The following GRIA4 variants were observed in gnomAD, a reference collection of about 807,000 sequenced individuals.
The protein encoded by GRIA4 is glutamate ionotropic receptor AMPA type subunit 4, also known as glutamate receptor 4.
GRIA4 carries 34 observed loss-of-function variants against 104.0 expected under a neutral mutation model. The observed-to-expected ratio is 0.33, with a 90% confidence interval of 0.25 to 0.44. GRIA4 has a LOEUF of 0.44. Ranked by LOEUF, GRIA4 falls within the 20% of genes least tolerant of loss-of-function variation. GRIA4 has a pLI of 1.00. For missense variants in GRIA4, 750 were observed against 1,096.5 expected, an observed-to-expected ratio of 0.68 and a Z score of 4.46; for synonymous variants, 386 against 381.9, an observed-to-expected ratio of 1.01 and a Z score of -0.13.
chr11:105,883,314 C>T (rs545678889), intron 5 of GRIA4, among the ~76,000 whole-genome samples: 1 of 148,692 alleles, frequency 6.7e-6, no homozygotes, highest in South Asian at 2.1e-4. Flanking sequence ...TTCTAGGGTA[C>T]ATGTGCACAA....
chr11:105,786,210 A>G (rs1475930734), intron 4 of GRIA4, among the ~76,000 whole-genome samples: 5 of 151,944 alleles, frequency 3.3e-5, no homozygotes, highest in African/African-American at 7.3e-5. Flanking sequence ...AATTTATGAC[A>G]ATGTTTTGTA....
chr11:105,875,184 G>A (rs1169185310), intron 5 of GRIA4, among the ~76,000 whole-genome samples: 2 of 152,156 alleles, frequency 1.3e-5, no homozygotes, highest in Non-Finnish European at 2.9e-5. Context: ...TGTGGTTTTT[G>A]TTATTGGTTC....
chr11:105,854,141 A>G (rs1204965072), intron 4 of GRIA4, among the ~76,000 whole-genome samples: 2 of 152,176 alleles, frequency 1.3e-5, no homozygotes, highest in African/African-American at 4.8e-5. Context: ...ACCTTTTAGT[A>G]TGGGAAAGAG....
At chr11:105,658,677 A>T (rs986784335) in intron 3 of GRIA4, among the ~76,000 whole-genome samples, 15 of 152,066 alleles carry the variant, frequency 9.9e-5, no homozygotes, top group African/African-American at 3.4e-4. Flanking sequence ...AGTTGACATT[A>T]TCTTTACAAG....
chr11:105,860,461 A>G (rs188294753), intron 4 of GRIA4, among the ~76,000 whole-genome samples: 91 of 152,320 alleles, frequency 6.0e-4, no homozygotes, highest in Non-Finnish European at 1.1e-3. Flanking sequence ...TATCACAGGA[A>G]GAAGAAACTA....
chr11:105,621,235 T>G (rs896559512), intron 3 of GRIA4, among the ~76,000 whole-genome samples: 3 of 151,700 alleles, frequency 2.0e-5, no homozygotes, highest in African/African-American at 7.2e-5. Flanking sequence ...GCCCTGTGAT[T>G]TTCCCATTTT....
chr11:105,851,919 G>A (rs1008970204), intron 4 of GRIA4, among the ~76,000 whole-genome samples: 1 of 152,302 alleles, frequency 6.6e-6, no homozygotes, highest in East Asian at 1.9e-4. Context: ...GCTTCATGAA[G>A]AAAAGCACAT....
At chr11:105,806,561 TGAG>T (rs1282984694) in intron 4 of GRIA4, among the ~76,000 whole-genome samples, 1 of 151,880 alleles carries the variant, frequency 6.6e-6, no homozygotes, top group Non-Finnish European at 1.5e-5. Context: ...GTTTACTTTT[TGAG>T]GAGAACAAAG....
chr11:105,688,372 C>A (rs1421838775), intron 3 of GRIA4, among the ~76,000 whole-genome samples: 1 of 151,892 alleles, frequency 6.6e-6, no homozygotes, highest in East Asian at 1.9e-4. Context: ...TCCTGGCTAG[C>A]GTGGTGAAAC....
rs546663383 is a variant in GRIA4, at chr11:105,716,922, G to T, written c.248-36059G>T. On this transcript the variant is annotated intron_variant, in intron 3 of 16. Coordinates refer to ENST00000282499, the MANE Select transcript of GRIA4 (RefSeq NM_000829.4). Reference sequence around the variant, plus strand: ...AAATTGTTCTCACGTTTTACAACTTGATAGGCAGTTGCTCTAATCCATAAA... The same window carrying T: ...AAATTGTTCTCACGTTTTACAACTTTATAGGCAGTTGCTCTAATCCATAAA... 3.5e-4 allele frequency among the ~76,000 whole-genome samples: 53 copies of T among 152,104 alleles called. 2 individuals are homozygous for T. The highest frequency in any genetic ancestry group is 1.2e-3 in the African/African-American group (51 of 41,510).
intron 4 of GRIA4, among the ~76,000 whole-genome samples, chr11:105,825,764 C>T (rs1239043342): frequency 1.3e-5 from 2 of 152,026 alleles, no homozygotes; most frequent in Non-Finnish European, 1.5e-5. Context: ...TTGTGAGACA[C>T]TAAAGGTACT....
At chr11:105,733,664 G>A (rs1938744682) in intron 3 of GRIA4, among the ~76,000 whole-genome samples, 1 of 151,846 alleles carries the variant, frequency 6.6e-6, no homozygotes, top group Non-Finnish European at 1.5e-5. Flanking sequence ...CGCTGTGTTG[G>A]TCAGGCTGGT....
At chr11:105,768,028 A>T (rs1428546024) in intron 4 of GRIA4, among the ~76,000 whole-genome samples, 1 of 151,952 alleles carries the variant, frequency 6.6e-6, no homozygotes, top group Admixed American at 6.6e-5. Context: ...TGAAAGGATT[A>T]AAAAAAAGAG....
intron 3 of GRIA4, among the ~76,000 whole-genome samples, chr11:105,713,190 C>CTAGCCAACATGGTGAAACA (rs1357588555): frequency 6.6e-6 from 1 of 152,024 alleles, no homozygotes; most frequent in Admixed American, 6.6e-5. Context: ...CAAGACCAGC[C>CTAGCCAACATGGTGAAACA]TAGCCAACAT....
At chr11:105,903,397 C>A (rs1319311634) in intron 7 of GRIA4, among the ~76,000 whole-genome samples, 1 of 152,114 alleles carries the variant, frequency 6.6e-6, no homozygotes, top group African/African-American at 2.4e-5. Context: ...CCTTTTGGAG[C>A]AGGAAAAGAT....
chr11:105,624,150 T>C (rs1950825931), intron 3 of GRIA4, among the ~76,000 whole-genome samples: 1 of 152,130 alleles, frequency 6.6e-6, no homozygotes, highest in African/African-American at 2.4e-5. Flanking sequence ...ATTTAACATA[T>C]GAGCTGAGTA....
intron 3 of GRIA4, among the ~76,000 whole-genome samples, chr11:105,621,740 T>A (rs10895843): frequency 1.3e-5 from 2 of 151,814 alleles, no homozygotes; most frequent in African/African-American, 4.8e-5. Context: ...AAAATTGCTA[T>A]ATCAAATAAT....
chr11:105,885,580 G>T lies in GRIA4; in HGVS notation c.673-1939G>T, dbSNP rs11226872. ...GTCATTTAATGCTTTCCCAAGAACA[G>T]AAGCTTTGGGTTCAGTCAAGTCAAT... is the stretch of plus-strand genomic sequence containing the variant. On this transcript the variant is annotated intron_variant, in intron 5 of 16. Coordinates refer to ENST00000282499, the MANE Select transcript of GRIA4 (RefSeq NM_000829.4). Among the ~76,000 whole-genome samples, 540 of 152,348 alleles carry T rather than the reference G, an allele frequency of 3.5e-3. 3 individuals carry two copies. The highest frequency in any genetic ancestry group is 0.013 in the African/African-American group (521 of 41,580).
At chr11:105,923,161 A>G (rs1947614907) in intron 11 of GRIA4, among the ~76,000 whole-genome samples, 1 of 152,138 alleles carries the variant, frequency 6.6e-6, no homozygotes, top group African/African-American at 2.4e-5. Context: ...CCTCTATGTA[A>G]GAATTTGTAT....
Sources: allele counts gnomAD v4.1 joint callset (sites outside exome capture counted in the v4.1 genomes callset), GRCh38; gene constraint gnomAD v4.1.1; transcripts MANE v1.5; gene names NCBI Gene and HGNC (gene_info 2026-07-23, HGNC 2026-07-21).